The following CPD variants were observed in gnomAD, a reference collection of about 807,000 sequenced individuals.
CPD encodes the protein metallocarboxypeptidase D.
CPD carries 69 observed loss-of-function variants against 138.3 expected under a neutral mutation model. The observed-to-expected ratio is 0.50, with a 90% CI of 0.41 to 0.61. The LOEUF (loss-of-function observed/expected upper bound fraction) is 0.61, where lower values mean the gene tolerates loss of function less well. Ranked by LOEUF, CPD falls within the 20% of genes least tolerant of loss-of-function variation. CPD has a pLI of 0.00. For synonymous variants in CPD, 651 were observed against 642.1 expected, an observed-to-expected ratio of 1.01 and a Z score of -0.21; for missense variants, 1,432 against 1,733.3, an observed-to-expected ratio of 0.83 and a Z score of 3.09.
At chr17:30,451,912 T>G (rs944752633) in intron 14 of CPD, 66 bp downstream of exon 14, 36 of 1,476,166 alleles carry the variant, frequency 2.4e-5, no homozygotes, top group Non-Finnish European at 3.2e-5. Context: ...GAAGATTGAT[T>G]GATCCTATTT....
chr17:30,425,869 C>T (rs1912391955), intron 6 of CPD, among the ~76,000 whole-genome samples: 1 of 152,150 alleles, frequency 6.6e-6, no homozygotes, highest in Non-Finnish European at 1.5e-5. Context: ...GGAAGAGATA[C>T]AGTTTTTAAA....
chr17:30,401,396 T>G (rs549585238), intron 2 of CPD, among the ~76,000 whole-genome samples: 1 of 150,966 alleles, frequency 6.6e-6, no homozygotes, highest in South Asian at 2.1e-4. Context: ...CTTCCTCTTC[T>G]TCCTCCTCCT....
chr17:30,401,381 C>CT (rs1567868925), intron 2 of CPD, among the ~76,000 whole-genome samples: 2 of 148,258 alleles, frequency 1.3e-5, no homozygotes, highest in African/African-American at 2.5e-5. Flanking sequence ...CCTCTTCTTC[C>CT]TCCTCTTCCT....
In CPD at chr17:30,382,123, A is replaced by C. The variant is rs199786651; in HGVS notation, c.746+2397A>C. Among the ~76,000 whole-genome samples, 11 of 152,322 alleles carry C rather than the reference A, an allele frequency of 7.2e-5. No homozygotes were observed. The East Asian group carries it at 2.1e-3, about 29-fold the overall frequency. On this transcript the variant is annotated intron_variant, in intron 1 of 20. Transcript: ENST00000225719. ...ATATTTGAATGTGTTTGTGAAAAGC[A>C]TTATTACAGTGTTGAGAGTGGGTGC...
At chr17:30,431,637 T>A in intron 7 of CPD, 135 bp from the exon 8 acceptor site, 1 of 636,588 alleles carries the variant, frequency 1.6e-6, no homozygotes, top group Non-Finnish European at 2.7e-6. Flanking sequence ...TTAGTGTAAT[T>A]TTCATTTCTG....
At chr17:30,391,153 T>C (rs908990683) in intron 2 of CPD, among the ~76,000 whole-genome samples, 1 of 97,854 alleles carries the variant, frequency 1.0e-5, no homozygotes, top group Non-Finnish European at 2.1e-5. Context: ...TTTTTTTTTT[T>C]AATCACAGTG....
In CPD at chr17:30,379,812, C is replaced by A; in HGVS notation, c.746+86C>A. On this transcript the variant is annotated intron_variant, in intron 1 of 20. Transcript: ENST00000225719. This position sits in a 1 kb window ranked among gnomAD's most constrained non-coding sequence, Gnocchi z 7.0. ...GCACCCAGTAGGCGCTCAGACAATG[C>A]TGGCATAAGGGGTGGCGGTGGTGAA... The A allele has an allele frequency of 1.0e-6, 1 of 982,060 alleles. No individual in the cohort carries two copies. The highest frequency in any genetic ancestry group is 1.4e-6 in the Non-Finnish European group (1 of 725,338). 60.8% of individuals were successfully genotyped at this position (982,060 alleles called of 1,614,324 possible).
chr17:30,452,973 C>T (rs924004929), intron 14 of CPD, among the ~76,000 whole-genome samples: 7 of 151,914 alleles, frequency 4.6e-5, no homozygotes, highest in Non-Finnish European at 7.4e-5. Context: ...AAGAATAATA[C>T]GGGAAAGACC....
chr17:30,392,502 G>A (rs991564682), intron 2 of CPD, among the ~76,000 whole-genome samples: 2 of 151,920 alleles, frequency 1.3e-5, no homozygotes, highest in Admixed American at 1.3e-4. Flanking sequence ...ATATATATGT[G>A]TGTACATTAA....
intron 2 of CPD, among the ~76,000 whole-genome samples, chr17:30,395,721 A>AT (rs201014256): frequency 0.039 from 4,192 of 107,296 alleles, 201 homozygotes; most frequent in African/African-American, 0.14. Flanking sequence ...GGGAGAGTAC[A>AT]TTTAAAAAAA....
At chr17:30,384,578 C>T (rs150285972) in intron 1 of CPD, among the ~76,000 whole-genome samples, 165 of 152,114 alleles carry the variant, frequency 1.1e-3, no homozygotes, top group African/African-American at 3.8e-3. Context: ...GGCAACATGG[C>T]GAGACCCCAT....
chr17:30,381,147 A>AT lies in CPD; in HGVS notation c.746+1430dup, dbSNP rs1021355610. Among the ~76,000 whole-genome samples, 102 of 151,384 alleles carry AT rather than the reference A, an allele frequency of 6.7e-4. 1 individual carries two copies. Among genetic ancestry groups the AT allele is most frequent in the African/African-American group, 2.4e-3 (99 of 41,242 alleles). On this transcript the variant is annotated intron_variant, in intron 1 of 20. Coordinates refer to ENST00000225719, the MANE Select transcript of CPD (RefSeq NM_001304.5). ...AATTTCACATAGACTTTCTGGGAGG[A>AT]TTTTTTTTTCTTTTAAATACGATCG...
Position 30,445,881 on chromosome 17 carries a change from G to T in CPD, c.2734G>T (p.Glu912Ter), listed in dbSNP as rs535600272. 1 of 1,614,118 alleles carries T rather than the reference G, an allele frequency of 6.2e-7. No homozygotes were observed. The highest frequency in any genetic ancestry group is 8.5e-7 in the Non-Finnish European group (1 of 1,180,004). ...FETLIKDLSA[E>*]NGLESLMLRS... is the part of the protein sequence containing the mutation. Reference sequence around the variant, plus strand: ...AACTTTAATTAAAGACCTTTCAGCGGAGAATGGTTTGGAAAGCCTCATGTT... The same window carrying T: ...AACTTTAATTAAAGACCTTTCAGCGTAGAATGGTTTGGAAAGCCTCATGTT... Residue 912 changes from glutamate (E) to a stop codon, truncating the protein, a stop_gained, in exon 12 of 21, where the codon GAG becomes TAG. Coordinates refer to ENST00000225719, the MANE Select transcript of CPD (RefSeq NM_001304.5). LOFTEE classifies it high-confidence loss of function.
At chr17:30,381,058 C>G (rs1911028406) in intron 1 of CPD, among the ~76,000 whole-genome samples, 1 of 152,176 alleles carries the variant, frequency 6.6e-6, no homozygotes, top group Admixed American at 6.5e-5. Context: ...TAGGACAGTT[C>G]CTGAGTCTTT....
At chr17:30,436,414 A>G (rs1287747724) in intron 8 of CPD, among the ~76,000 whole-genome samples, 2 of 152,238 alleles carry the variant, frequency 1.3e-5, no homozygotes, top group Non-Finnish European at 2.9e-5. Context: ...AAGAACTCTT[A>G]TGGCTAAATA....
chr17:30,434,657 G>C (rs1172672340), intron 8 of CPD, among the ~76,000 whole-genome samples: 1 of 152,048 alleles, frequency 6.6e-6, no homozygotes, highest in East Asian at 1.9e-4. Flanking sequence ...GAAAAAAAGA[G>C]GCAAAGATAG....
chr17:30,461,066 TG>T, intron 17 of CPD, 113 bp from the exon 18 acceptor site: 1 of 733,278 alleles, frequency 1.4e-6, no homozygotes, highest in Non-Finnish European at 2.1e-6. Context: ...ACAGCTTCTT[TG>T]TTTACGTCAG....
intron 1 of CPD, among the ~76,000 whole-genome samples, chr17:30,381,119 T>G (rs1911030261): frequency 6.6e-6 from 1 of 152,264 alleles, no homozygotes. Flanking sequence ...CTTGTAGATA[T>G]ATAATTTCAC....
rs780679884 is a variant in CPD, at chr17:30,379,221, C to T, written c.241C>T (p.Arg81Cys). ...GGCCGCGGGCCTCCCCGGCCTGGCC[C>T]GCCTCTTTAGCATCGGCCGCTCGGT... ...AAAAGLPGLA[R>C]LFSIGRSVEG... Residue 81 changes from arginine to cysteine, a missense_variant, in exon 1 of 21, where the codon CGC becomes TGC. Arg to Cys is a radical substitution (Grantham distance 180). Coordinates refer to ENST00000225719, the MANE Select transcript of CPD (RefSeq NM_001304.5). The surrounding 1 kb of genome is among the most constrained non-coding windows in gnomAD (Gnocchi z 7.0). The T allele has an allele frequency of 5.2e-6, 8 of 1,527,344 alleles. No individual in the cohort carries two copies. Among genetic ancestry groups the T allele is most frequent in the South Asian group, 3.6e-5 (3 of 83,616 alleles). 94.6% of individuals were successfully genotyped at this position (1,527,344 alleles called of 1,614,324 possible). A position where few individuals can be genotyped will look rare whatever the true frequency, so the allele number is the denominator to read the frequency against.
Sources: allele counts gnomAD v4.1 joint callset (sites outside exome capture counted in the v4.1 genomes callset), GRCh38; gene constraint gnomAD v4.1.1; non-coding constraint Gnocchi (gnomAD v3.1); transcripts MANE v1.5; gene names NCBI Gene and HGNC (gene_info 2026-07-23, HGNC 2026-07-21).